ZNF430: variants seen among roughly 807,000 people sequenced by gnomAD.
ZNF430 encodes the protein zinc finger protein 430.
In ZNF430, 35 loss-of-function variants were observed where a neutral mutation model predicts 56.7. That is an observed-to-expected ratio of 0.62 (90% CI 0.47 to 0.82). The LOEUF is 0.82. Ranked by LOEUF, ZNF430 falls within the 40% of genes least tolerant of loss-of-function variation. The probability of loss-of-function intolerance (pLI) is 0.00; values close to 1 mark genes in which losing one functional copy is unlikely to be tolerated. For synonymous variants in ZNF430, 212 were observed against 224.3 expected (o/e 0.94, Z 0.49); for missense variants, 574 against 661.0 (o/e 0.87, Z 1.44).
intron 4 of ZNF430, among the ~76,000 whole-genome samples, chr19:21,047,326 T>C (rs1599503649): frequency 6.6e-6 from 1 of 152,374 alleles, no homozygotes; most frequent in East Asian, 1.9e-4. Flanking sequence ...TTCTGAAGCC[T>C]ACTTTTGTCA....
intron 4 of ZNF430, among the ~76,000 whole-genome samples, chr19:21,048,086 T>G: frequency 6.6e-6 from 1 of 152,102 alleles, no homozygotes; most frequent in East Asian, 1.9e-4. Flanking sequence ...TTTCATTTTT[T>G]GCATACTTTT....
intron 4 of ZNF430, among the ~76,000 whole-genome samples, chr19:21,044,766 A>G (rs941085935): frequency 2.0e-5 from 3 of 152,020 alleles, no homozygotes; most frequent in Non-Finnish European, 4.4e-5. Flanking sequence ...AGAACTTCTT[A>G]TTGGTCTATT....
intron 2 of ZNF430, among the ~76,000 whole-genome samples, chr19:21,030,448 G>A (rs1285576113): frequency 6.6e-6 from 1 of 152,148 alleles, no homozygotes; most frequent in Non-Finnish European, 1.5e-5. Flanking sequence ...ACATATCCTT[G>A]AGCACATAGT....
At chr19:21,056,550 A>G (rs904866284) in intron 4 of ZNF430, 81 bp from the exon 5 acceptor site, 3 of 1,077,220 alleles carry the variant, frequency 2.8e-6, no homozygotes, top group East Asian at 2.6e-5. Context: ...TGTAGTTTGT[A>G]TAATTATATG....
At chr19:21,043,264 A>G (rs1159171924) in intron 4 of ZNF430, among the ~76,000 whole-genome samples, 2 of 152,150 alleles carry the variant, frequency 1.3e-5, no homozygotes, top group African/African-American at 4.8e-5. Context: ...TTTCATATTT[A>G]AGTCTTTAAT....
rs1968428665 is a variant in ZNF430 at position 21,059,180 on chromosome 19, A to G, written c.*1159A>G. On this transcript the variant is annotated 3_prime_UTR_variant, in exon 5 of 5. Coordinates refer to ENST00000261560, the MANE Select transcript of ZNF430 (RefSeq NM_025189.4). The stretch of plus-strand genomic sequence containing the variant: ...AGTCTATGTAAATATCAGAGAATTT[A>G]CTGTAGAAATATATAAGGCACTGAG... The G allele has an allele frequency of 1.3e-5, 2 of 152,238 alleles. No individual in the cohort carries two copies. Among genetic ancestry groups the G allele is most frequent in the Admixed American group, 1.3e-4 (2 of 15,284 alleles). 9.4% of individuals were successfully genotyped at this position (152,238 alleles called of 1,614,324 possible).
At chr19:21,044,444 G>A (rs752414859) in intron 4 of ZNF430, among the ~76,000 whole-genome samples, 11 of 152,120 alleles carry the variant, frequency 7.2e-5, no homozygotes, top group Non-Finnish European at 1.3e-4. Context: ...ACTTGATCGC[G>A]GTGGATAAGC....
At position 21,058,191 on chromosome 19, in the gene ZNF430, TC is replaced by T; in HGVS notation, c.*173del. ...TGGGTGCGGTGGCTCACACCTGTAA[TC>T]CCAGCACTTTGGGAGGCTGAGACGG... On this transcript the variant is annotated 3_prime_UTR_variant, in exon 5 of 5. Coordinates refer to ENST00000261560, the MANE Select transcript of ZNF430 (RefSeq NM_025189.4). The T allele has an allele frequency of 1.5e-6, 1 of 645,326 alleles. No individual in the cohort carries two copies. The highest frequency in any genetic ancestry group is 2.6e-6 in the Non-Finnish European group (1 of 385,342). 40.0% of individuals were successfully genotyped at this position (645,326 alleles called of 1,614,324 possible).
At chr19:21,038,554 A>G (rs955927702) in intron 4 of ZNF430, among the ~76,000 whole-genome samples, 1 of 152,012 alleles carries the variant, frequency 6.6e-6, no homozygotes, top group African/African-American at 2.4e-5. Flanking sequence ...CAGTCCCCCA[A>G]GTAGCTGAGG....
rs71174785 is a variant in ZNF430, at chr19:21,021,823, A to ATTTTTTTTTT, written c.4-945_4-936dup. 4.3e-4 allele frequency among the ~76,000 whole-genome samples: 37 copies of ATTTTTTTTTT among 85,704 alleles called. 2 individuals carry two copies. The highest frequency in any genetic ancestry group is 1.8e-3 in the African/African-American group (33 of 18,810). 56.2% of individuals were successfully genotyped at this position (85,704 alleles called of 152,430 possible). A position where few individuals can be genotyped will look rare whatever the true frequency, so the allele number is the denominator to read the frequency against. Reference sequence around the variant, plus strand: ...TTTCAAAACGATGCGCCTGAGTTAGATTTTTTTTTTTTTTTTTTTTTTTTT... The same window carrying ATTTTTTTTTT: ...TTTCAAAACGATGCGCCTGAGTTAGATTTTTTTTTTTTTTTTTTTTTTTTTTTTTTTTTTT... On this transcript the variant is annotated intron_variant, in intron 1 of 4. Coordinates refer to ENST00000261560, the MANE Select transcript of ZNF430 (RefSeq NM_025189.4).
intron 4 of ZNF430, among the ~76,000 whole-genome samples, chr19:21,050,215 A>G (rs1968261835): frequency 6.6e-6 from 1 of 151,952 alleles, no homozygotes; most frequent in African/African-American, 2.4e-5. Context: ...TATTTCATGA[A>G]TATATTGATG....
At chr19:21,022,929 T>C (rs781275035) in intron 2 of ZNF430, 48 bp downstream of exon 2, 8 of 1,350,938 alleles carry the variant, frequency 5.9e-6, no homozygotes, top group Non-Finnish European at 7.4e-6. Flanking sequence ...CCAGCTTTCA[T>C]TTCTTGGAGA....
intron 4 of ZNF430, among the ~76,000 whole-genome samples, chr19:21,039,549 C>T (rs183499633): frequency 6.6e-6 from 1 of 151,730 alleles, no homozygotes; most frequent in South Asian, 2.1e-4. Context: ...TCACTGCAAA[C>T]TCCGCCTCAC....
intron 2 of ZNF430, among the ~76,000 whole-genome samples, chr19:21,025,709 C>A (rs1056068768): frequency 6.6e-6 from 1 of 151,832 alleles, no homozygotes; most frequent in Non-Finnish European, 1.5e-5. Context: ...GCCTCAGCCT[C>A]CCCAGTAGCT....
At chr19:21,037,111 CT>C (rs990607702) in intron 4 of ZNF430, among the ~76,000 whole-genome samples, 227 of 130,762 alleles carry the variant, frequency 1.7e-3, no homozygotes, top group Middle Eastern at 3.9e-3. Flanking sequence ...ACAAGATTTT[CT>C]TTTTTTTTTT....
intron 1 of ZNF430, among the ~76,000 whole-genome samples, chr19:21,022,443 T>C (rs1419068032): frequency 6.6e-6 from 1 of 152,228 alleles, no homozygotes; most frequent in Non-Finnish European, 1.5e-5. Context: ...TAATTAGTTA[T>C]TTTCTGACAA....
At position 21,057,026 on chromosome 19, in the gene ZNF430, A is replaced by G; in HGVS notation, c.718A>G (p.Lys240Glu). 1 of 1,614,076 alleles carries G rather than the reference A, an allele frequency of 6.2e-7. No individual in the cohort carries two copies. The highest frequency in any genetic ancestry group is 8.5e-7 in the Non-Finnish European group (1 of 1,179,982). The stretch of plus-strand genomic sequence containing the variant: ...TTCTTACCAATGTGAAGAATGTGGT[A>G]AAGTCTTTAACTGGTTCTCAACCCT... ...ENSYQCEECG[K>E]VFNWFSTLTR... The change falls in exon 5 of 5, where the codon AAA (lysine) becomes GAA (glutamate). Residue 240 changes from lysine to glutamate, a missense_variant. Physicochemically the swap from Lys to Glu is moderately conservative, Grantham distance 56. Transcript: ENST00000261560.
Position 21,034,105 on chromosome 19 carries a change from G to A in ZNF430, c.243G>A (p.Lys81=). Residue 81 remains lysine, a synonymous_variant, in exon 4 of 5, where the codon AAG becomes AAA. Transcript: ENST00000261560. ...ATAAAGCAGGTATTGCTGTTTCTAAGCCAGACCTGATCACCTGTCTAGAGC... is the reference window on the plus strand; with the variant it reads ...ATAAAGCAGGTATTGCTGTTTCTAAACCAGACCTGATCACCTGTCTAGAGC... ...LVFLAGIAVS[K]PDLITCLEQG... is the part of the protein sequence containing the mutation. The A allele has an allele frequency of 6.2e-7, 1 of 1,613,104 alleles. No individual in the cohort carries two copies.
chr19:21,051,613 C>A (rs1179754286), intron 4 of ZNF430, among the ~76,000 whole-genome samples: 2 of 152,164 alleles, frequency 1.3e-5, no homozygotes, highest in Non-Finnish European at 2.9e-5. Context: ...CCTGCCTCAG[C>A]CTCTTGAGCA....
Sources: gnomAD v4.1 joint callset for allele counts (sites outside exome capture counted in the v4.1 genomes callset) on GRCh38, gnomAD v4.1.1 for gene constraint, MANE v1.5 for transcripts, NCBI Gene and HGNC (gene_info 2026-07-23, HGNC 2026-07-21) for gene names.